Variants in COMMD10 observed in about 807,000 individuals in gnomAD.
The protein encoded by COMMD10 is COMM domain-containing protein 10.
A neutral mutation model predicts 28.9 loss-of-function variants in COMMD10; 33 were observed. That is an observed-to-expected ratio of 1.14 (90% confidence interval 0.87 to 1.53). COMMD10 has a LOEUF of 1.53. Among genes scored for constraint, COMMD10 ranks in the 40% most tolerant of loss-of-function variants. COMMD10 has a pLI of 0.00. For synonymous variants in COMMD10, 110 were observed against 81.7 expected (o/e 1.35, Z -1.87); for missense variants, 310 against 233.4 (o/e 1.33, Z -2.14).
chr5:116,099,763 G>T (rs1191426745), intron 4 of COMMD10, among the ~76,000 whole-genome samples: 1 of 152,024 alleles, frequency 6.6e-6, no homozygotes, highest in African/African-American at 2.4e-5. Flanking sequence ...GAGAATGTCT[G>T]TTCAGTTCCT....
At chr5:116,173,329 A>AGTTATATATATACCTTTAAAGT (rs1753398912) in intron 5 of COMMD10, among the ~76,000 whole-genome samples, 1 of 152,134 alleles carries the variant, frequency 6.6e-6, no homozygotes, top group African/African-American at 2.4e-5. Context: ...TCAATTTTCC[A>AGTTATATATATACCTTTAAAGT]GTTATATATA....
intron 5 of COMMD10, among the ~76,000 whole-genome samples, chr5:116,262,688 A>T (rs192901290): frequency 6.6e-6 from 1 of 151,836 alleles, no homozygotes; most frequent in African/African-American, 2.4e-5. Context: ...TGCAGATACA[A>T]TGCCTAAGCA....
intron 5 of COMMD10, among the ~76,000 whole-genome samples, chr5:116,208,810 A>G (rs1748883293): frequency 6.6e-6 from 1 of 152,224 alleles, no homozygotes; most frequent in African/African-American, 2.4e-5. Context: ...GCATACATAC[A>G]AATTTCTGTT....
intron 5 of COMMD10, among the ~76,000 whole-genome samples, chr5:116,205,087 A>G (rs1471911017): frequency 6.6e-6 from 1 of 152,214 alleles, no homozygotes; most frequent in Non-Finnish European, 1.5e-5. Context: ...TGCTTTAAAC[A>G]TAGATTTCCT....
At chr5:116,171,747 A>G (rs1243112888) in intron 5 of COMMD10, among the ~76,000 whole-genome samples, 1 of 152,166 alleles carries the variant, frequency 6.6e-6, no homozygotes, top group East Asian at 1.9e-4. Flanking sequence ...CAAAGACTGC[A>G]TGCTCTCACT....
intron 5 of COMMD10, among the ~76,000 whole-genome samples, chr5:116,289,984 A>G (rs1241776451): frequency 2.0e-5 from 3 of 151,952 alleles, no homozygotes; most frequent in Non-Finnish European, 2.9e-5. Flanking sequence ...TCAATGTAAC[A>G]TTTTAGGAAA....
At chr5:116,167,833 C>T (rs2112576165) in intron 5 of COMMD10, among the ~76,000 whole-genome samples, 1 of 152,160 alleles carries the variant, frequency 6.6e-6, no homozygotes, top group African/African-American at 2.4e-5. Flanking sequence ...CTGAAGGAAA[C>T]ACTAAATATG....
chr5:116,135,189 A>G (rs1425703856), intron 5 of COMMD10, among the ~76,000 whole-genome samples: 4 of 152,192 alleles, frequency 2.6e-5, no homozygotes, highest in African/African-American at 9.6e-5. Context: ...AGAATGAGGT[A>G]TTAGAGAAGA....
intron 4 of COMMD10, among the ~76,000 whole-genome samples, chr5:116,103,606 A>T (rs145077468): frequency 2.6e-5 from 4 of 152,066 alleles, no homozygotes; most frequent in Non-Finnish European, 5.9e-5. Context: ...CCCATTCTGT[A>T]GGTTGCCTAT....
At chr5:116,120,432 C>A (rs1419385857) in intron 4 of COMMD10, among the ~76,000 whole-genome samples, 2 of 152,056 alleles carry the variant, frequency 1.3e-5, no homozygotes, top group African/African-American at 2.4e-5. Flanking sequence ...GCACTAAAAT[C>A]TCAGAAATCA....
At chr5:116,201,543 A>G (rs1182108287) in intron 5 of COMMD10, among the ~76,000 whole-genome samples, 3 of 152,214 alleles carry the variant, frequency 2.0e-5, no homozygotes, top group East Asian at 1.9e-4. Flanking sequence ...TGTCTCTCCA[A>G]TCTGGGGGGC....
chr5:116,220,456 T>A lies in COMMD10; in HGVS notation c.511-71061T>A, dbSNP rs76590020. Among the ~76,000 whole-genome samples the A allele has an allele frequency of 3.4e-4, 52 of 152,142 alleles. 1 individual carries two copies. In the East Asian group the frequency reaches 9.1e-3, roughly 27 times the overall value. On this transcript the variant is annotated intron_variant, in intron 5 of 6. Coordinates refer to ENST00000274458, the MANE Select transcript of COMMD10 (RefSeq NM_016144.4). The stretch of plus-strand genomic sequence containing the variant: ...TTTTTTTCTTTGGAAGAGGTGAACA[T>A]CGTAGATAATAAACTTTGGGAGTGT...
At chr5:116,091,682 A>G (rs1024441739) in intron 3 of COMMD10, among the ~76,000 whole-genome samples, 14 of 152,236 alleles carry the variant, frequency 9.2e-5, no homozygotes, top group African/African-American at 3.4e-4. Flanking sequence ...GGCTCATCAC[A>G]GTAGAGCACA....
At chr5:116,249,874 A>G (rs551580760) in intron 5 of COMMD10, among the ~76,000 whole-genome samples, 1 of 152,012 alleles carries the variant, frequency 6.6e-6, no homozygotes, top group South Asian at 2.1e-4. Context: ...AATGACAGTA[A>G]AGTAATAAAG....
chr5:116,276,789 T>C (rs1298764071), intron 5 of COMMD10, among the ~76,000 whole-genome samples: 2 of 151,784 alleles, frequency 1.3e-5, no homozygotes, highest in African/African-American at 2.4e-5. Context: ...CCATTTAAAA[T>C]TGATAGGATT....
intron 2 of COMMD10, among the ~76,000 whole-genome samples, chr5:116,087,949 A>G (rs958485544): frequency 6.6e-6 from 1 of 152,082 alleles, no homozygotes; most frequent in African/African-American, 2.4e-5. Context: ...AAAAATTCTG[A>G]TGTCTTGGTT....
At chr5:116,232,985 G>T (rs188488303) in intron 5 of COMMD10, among the ~76,000 whole-genome samples, 1 of 152,070 alleles carries the variant, frequency 6.6e-6, no homozygotes, top group South Asian at 2.1e-4. Context: ...CGTCAATTCC[G>T]GCTAAATGGT....
chr5:116,230,273 G>A (rs1403039807), intron 5 of COMMD10, among the ~76,000 whole-genome samples: 1 of 151,986 alleles, frequency 6.6e-6, no homozygotes, highest in Non-Finnish European at 1.5e-5. Flanking sequence ...TAATGGTGTA[G>A]TAGCATCTTA....
At chr5:116,262,793 A>C (rs1750483198) in intron 5 of COMMD10, among the ~76,000 whole-genome samples, 1 of 151,796 alleles carries the variant, frequency 6.6e-6, no homozygotes, top group Non-Finnish European at 1.5e-5. Flanking sequence ...AGTTAGGTCC[A>C]TTTGCACAAT....
Sources: allele counts gnomAD v4.1 joint callset (sites outside exome capture counted in the v4.1 genomes callset), GRCh38; gene constraint gnomAD v4.1.1; transcripts MANE v1.5; gene names NCBI Gene and HGNC (gene_info 2026-07-23, HGNC 2026-07-21).